TENM4: variants seen among roughly 807,000 people sequenced by gnomAD.
The protein encoded by TENM4 is teneurin-4.
TENM4 carries 82 observed loss-of-function variants against 243.3 expected under a neutral mutation model. The ratio of observed to expected loss-of-function variants is 0.34; its 90% confidence interval spans 0.28 to 0.40. The LOEUF (loss-of-function observed/expected upper bound fraction) is 0.40. TENM4 is among the 10% of genes least tolerant of loss of function. TENM4 has a pLI of 1.00. For synonymous variants in TENM4, 1,412 were observed against 1,456.3 expected, an observed-to-expected ratio of 0.97 and a Z score of 0.69; for missense variants, 3,138 against 3,673.3, an observed-to-expected ratio of 0.85 and a Z score of 3.77.
At chr11:79,428,542 G>A (rs1417139109) in intron 1 of TENM4, among the ~76,000 whole-genome samples, 1 of 152,198 alleles carries the variant, frequency 6.6e-6, no homozygotes, top group Non-Finnish European at 1.5e-5. Flanking sequence ...GTGCATGAAT[G>A]GTTAATGGGG....
At chr11:78,929,109 C>T (rs1468310107) in intron 6 of TENM4, among the ~76,000 whole-genome samples, 2 of 152,218 alleles carry the variant, frequency 1.3e-5, no homozygotes, top group Non-Finnish European at 2.9e-5. Context: ...GTCCATCTCA[C>T]CCTCAGAATG....
intron 1 of TENM4, among the ~76,000 whole-genome samples, chr11:79,435,462 C>G (rs1367364370): frequency 6.6e-6 from 1 of 152,098 alleles, no homozygotes; most frequent in Non-Finnish European, 1.5e-5. Flanking sequence ...AGCTGATAGA[C>G]CATGTAAGAA....
intron 2 of TENM4, among the ~76,000 whole-genome samples, chr11:79,222,613 A>C (rs768968413): frequency 6.6e-6 from 1 of 152,230 alleles, no homozygotes; most frequent in Admixed American, 6.5e-5. Flanking sequence ...ACCAAGTTAC[A>C]TTCCCACCAA....
chr11:79,125,854 G>C (rs1861864460), intron 4 of TENM4, among the ~76,000 whole-genome samples: 1 of 152,134 alleles, frequency 6.6e-6, no homozygotes, highest in Admixed American at 6.6e-5. Flanking sequence ...TAAAGTCCCA[G>C]CGAGCCCCTA....
In TENM4 at chr11:78,903,247, C is replaced by G. The variant is rs754396235; in HGVS notation, c.749+21G>C. The G allele has an allele frequency of 6.7e-6, 10 of 1,486,102 alleles. 1 individual carries two copies. In the South Asian group the frequency reaches 1.2e-4, roughly 18 times the overall value. 92.1% of individuals were successfully genotyped at this position (1,486,102 alleles called of 1,614,324 possible). A position where few individuals can be genotyped will look rare whatever the true frequency, so the allele number is the denominator to read the frequency against. ...CGGGTGCCCACCCTCCTCAGCCTCA[C>G]CCTCCCTACCGGCCGCGCACCTGGT... On this transcript the variant is annotated intron_variant, in intron 7 of 33. Coordinates refer to ENST00000278550, the MANE Select transcript of TENM4 (RefSeq NM_001098816.3).
intron 6 of TENM4, among the ~76,000 whole-genome samples, chr11:78,924,072 C>G (rs1448550578): frequency 1.3e-5 from 2 of 152,150 alleles, no homozygotes; most frequent in African/African-American, 4.8e-5. Flanking sequence ...CCAGGCTTGT[C>G]TCAAACTCCT....
At chr11:78,985,989 C>T (rs1228452507) in intron 6 of TENM4, among the ~76,000 whole-genome samples, 4 of 152,158 alleles carry the variant, frequency 2.6e-5, no homozygotes, top group Non-Finnish European at 2.9e-5. Flanking sequence ...CTTTCAAATC[C>T]CTGGTGTCCC....
chr11:79,286,625 T>A (rs1384341795), intron 2 of TENM4, among the ~76,000 whole-genome samples: 2 of 151,918 alleles, frequency 1.3e-5, no homozygotes, highest in African/African-American at 2.4e-5. Context: ...GCCAGAATCG[T>A]GCCACGGCAC....
intron 7 of TENM4, among the ~76,000 whole-genome samples, chr11:78,891,805 T>C (rs571183754): frequency 6.6e-6 from 1 of 152,302 alleles, no homozygotes; most frequent in African/African-American, 2.4e-5. Context: ...CTCTCTCTAC[T>C]TGAGGCTGCT....
At chr11:78,715,533 T>C (rs1176458082) in intron 25 of TENM4, among the ~76,000 whole-genome samples, 15 of 152,154 alleles carry the variant, frequency 9.9e-5, no homozygotes, top group Admixed American at 9.2e-4. Flanking sequence ...CAGGGTGGCA[T>C]TGGCAGGATT....
intron 1 of TENM4, among the ~76,000 whole-genome samples, chr11:79,380,928 T>A (rs1857988658): frequency 6.6e-6 from 1 of 152,134 alleles, no homozygotes; most frequent in South Asian, 2.1e-4. Flanking sequence ...CCATTCTCAA[T>A]CTTGGTTTCT....
At chr11:79,294,531 T>C (rs371013712) in intron 2 of TENM4, among the ~76,000 whole-genome samples, 32 of 152,212 alleles carry the variant, frequency 2.1e-4, no homozygotes, top group South Asian at 1.0e-3. Context: ...TCACAGAGAA[T>C]GTGAGTAGGC....
At chr11:79,086,665 C>T (rs2137042237) in intron 4 of TENM4, among the ~76,000 whole-genome samples, 1 of 152,116 alleles carries the variant, frequency 6.6e-6, no homozygotes, top group South Asian at 2.1e-4. Context: ...GAAACCTCAT[C>T]TCTACTAAAA....
In TENM4 at chr11:79,069,826, C is replaced by G. The variant is rs1463723707; in HGVS notation, c.119G>C (p.Ser40Thr). The G allele has an allele frequency of 1.0e-5, 16 of 1,550,938 alleles. No individual in the cohort carries two copies. Among genetic ancestry groups the G allele is most frequent in the Middle Eastern group, 1.7e-4 (1 of 6,008 alleles). ...GTAGGCCTTCAGGGTCTCGCTGGAGCTGTACGATTTCTGCGGGGCTTTGCC... is the reference window on the plus strand; with the variant it reads ...GTAGGCCTTCAGGGTCTCGCTGGAGGTGTACGATTTCTGCGGGGCTTTGCC... ...EEGKAPQKSY[S>T]SSETLKAYDQ... is the part of the protein sequence containing the mutation. The change falls in exon 5 of 34, where the codon AGC becomes ACC. Residue 40 changes from serine (S) to threonine (T), a missense_variant. By Grantham distance (58) the Ser-to-Thr change is moderately conservative (BLOSUM62 1). Coordinates refer to ENST00000278550, the MANE Select transcript of TENM4 (RefSeq NM_001098816.3).
At chr11:78,727,034 C>A (rs775164849) in intron 22 of TENM4, among the ~76,000 whole-genome samples, 1 of 152,128 alleles carries the variant, frequency 6.6e-6, no homozygotes, top group African/African-American at 2.4e-5. Context: ...CCAAGTGCAT[C>A]CACTGTAGGA....
intron 19 of TENM4, among the ~76,000 whole-genome samples, 160 bp from the exon 20 acceptor site, chr11:78,738,730 A>T (rs1328753462): frequency 2.0e-5 from 3 of 152,218 alleles, no homozygotes; most frequent in Non-Finnish European, 4.4e-5. Flanking sequence ...AATAATCTTT[A>T]AAAAATATCA....
At chr11:78,737,069 T>A (rs113915182) in intron 20 of TENM4, among the ~76,000 whole-genome samples, 1 of 152,214 alleles carries the variant, frequency 6.6e-6, no homozygotes, top group African/African-American at 2.4e-5. Flanking sequence ...GACTGACGAT[T>A]TGCCATCTCA....
At chr11:78,858,671 G>T (rs900453470) in intron 10 of TENM4, among the ~76,000 whole-genome samples, 1 of 152,266 alleles carries the variant, frequency 6.6e-6, no homozygotes, top group African/African-American at 2.4e-5. Flanking sequence ...GTGAGCACTA[G>T]GATATAAAAT....
intron 7 of TENM4, among the ~76,000 whole-genome samples, chr11:78,892,995 C>T (rs1283935473): frequency 6.6e-6 from 1 of 152,224 alleles, no homozygotes; most frequent in African/African-American, 2.4e-5. Flanking sequence ...AATCCCCTTT[C>T]GTTAACATCC....
Sources: gnomAD v4.1 joint callset for allele counts (sites outside exome capture counted in the v4.1 genomes callset) on GRCh38, gnomAD v4.1.1 for gene constraint, MANE v1.5 for transcripts, NCBI Gene and HGNC (gene_info 2026-07-23, HGNC 2026-07-21) for gene names.